DSTN: variants seen among roughly 807,000 people sequenced by gnomAD.
DSTN encodes destrin.
Under a neutral mutation model 16.8 loss-of-function variants are expected in DSTN, and 10 were observed. The observed-to-expected ratio is 0.60, with a 90% confidence interval of 0.37 to 1.01. The LOEUF (loss-of-function observed/expected upper bound fraction) is 1.01. Ranked by LOEUF, DSTN falls within the 50% of genes least tolerant of loss-of-function variation. The pLI, the probability that DSTN is intolerant of heterozygous loss-of-function variation, is 0.01. For synonymous variants in DSTN, 57 were observed against 58.9 expected (o/e 0.97, Z 0.14); for missense variants, 141 against 196.7 (o/e 0.72, Z 1.69).
chr20:17,589,627 A>G (rs1160108349), intron 1 of DSTN, among the ~76,000 whole-genome samples: 9 of 152,260 alleles, frequency 5.9e-5, no homozygotes, highest in Non-Finnish European at 7.3e-5. Flanking sequence ...AGAAGCATCA[A>G]TTATAGCAGC....
intron 1 of DSTN, among the ~76,000 whole-genome samples, chr20:17,574,741 A>AT (rs1568728874): frequency 6.7e-6 from 1 of 149,158 alleles, no homozygotes. Context: ...AAAAAAAAAA[A>AT]AAAAAATTAA....
At chr20:17,580,913 T>C (rs2035336486) in intron 1 of DSTN, among the ~76,000 whole-genome samples, 3 of 152,148 alleles carry the variant, frequency 2.0e-5, no homozygotes, top group Non-Finnish European at 4.4e-5. Flanking sequence ...TAGAAGAGAA[T>C]GAGCTTGACA....
chr20:17,572,620 G>A (rs979299777), intron 1 of DSTN, among the ~76,000 whole-genome samples: 11 of 152,106 alleles, frequency 7.2e-5, no homozygotes, highest in Admixed American at 3.3e-4. Context: ...ACTAATTGGC[G>A]CAGTATTCAA....
Position 17,570,114 on chromosome 20 carries a change from T to G in DSTN, c.-95T>G. 1 of 1,500,300 alleles carries G rather than the reference T, an allele frequency of 6.7e-7. No homozygotes were observed. The highest frequency in any genetic ancestry group is 8.9e-7 in the Non-Finnish European group (1 of 1,128,780). The allele number at this position is 1,500,300 out of a possible 1,614,324, so 92.9% of individuals were successfully genotyped here. On this transcript the variant is annotated 5_prime_UTR_variant, in exon 1 of 4. Coordinates refer to ENST00000246069, the MANE Select transcript of DSTN (RefSeq NM_006870.4). ...TCGCGCCGCCGCGTCAGCTCAGCGC[T>G]GGGTCTCTCGGTCCCGCAGCCGTGA...
intron 1 of DSTN, among the ~76,000 whole-genome samples, chr20:17,574,786 A>G (rs1245885794): frequency 1.4e-5 from 2 of 147,576 alleles, no homozygotes; most frequent in South Asian, 2.1e-4. Context: ...ACAAGTAAAC[A>G]TGACTGACTT....
Position 17,574,875 on chromosome 20 carries a change from T to G in DSTN, c.3+4664T>G, listed in dbSNP as rs546361453. Among the ~76,000 whole-genome samples the G allele has an allele frequency of 2.4e-3, 308 of 127,452 alleles. 1 individual carries two copies. Among genetic ancestry groups the G allele is most frequent in the African/African-American group, 8.4e-3 (275 of 32,670 alleles). 83.6% of individuals were successfully genotyped at this position (127,452 alleles called of 152,430 possible). Reference sequence around the variant, plus strand: ...TTTTTCTTTTCTTTTCTTTTGTTTTTTTTTTTTTTTTTTTTTTGAGACAGA... The same window carrying G: ...TTTTTCTTTTCTTTTCTTTTGTTTTGTTTTTTTTTTTTTTTTTGAGACAGA... On this transcript the variant is annotated intron_variant, in intron 1 of 3. Coordinates refer to ENST00000246069, the MANE Select transcript of DSTN (RefSeq NM_006870.4).
At chr20:17,603,945 T>G (rs2035613156) in intron 2 of DSTN, among the ~76,000 whole-genome samples, 1 of 152,240 alleles carries the variant, frequency 6.6e-6, no homozygotes, top group Non-Finnish European at 1.5e-5. Context: ...TTGGAATAGA[T>G]GAAGGGACTG....
chr20:17,605,385 G>A (rs2035630616), intron 3 of DSTN, among the ~76,000 whole-genome samples: 2 of 152,236 alleles, frequency 1.3e-5, no homozygotes, highest in African/African-American at 4.8e-5. Context: ...TAGTTTAAGA[G>A]TTTGCCCTGC....
intron 1 of DSTN, among the ~76,000 whole-genome samples, chr20:17,572,288 A>C (rs1370482440): frequency 6.6e-6 from 1 of 152,220 alleles, no homozygotes; most frequent in African/African-American, 2.4e-5. Flanking sequence ...CAAAAAACAA[A>C]CAACGTCTGC....
chr20:17,595,580 T>C (rs2035517646), intron 1 of DSTN, among the ~76,000 whole-genome samples: 1 of 151,764 alleles, frequency 6.6e-6, no homozygotes, highest in South Asian at 2.1e-4. Context: ...GATGGTGCCA[T>C]TGCACTCCAG....
chr20:17,604,448 A>G, intron 2 of DSTN, 107 bp from the exon 3 acceptor site: 1 of 1,141,956 alleles, frequency 8.8e-7, no homozygotes, highest in Non-Finnish European at 1.3e-6. Context: ...ATATCTCAGG[A>G]GAGTCTGAGG....
intron 1 of DSTN, among the ~76,000 whole-genome samples, chr20:17,578,944 A>C (rs947542973): frequency 1.0e-4 from 14 of 137,150 alleles, no homozygotes; most frequent in Non-Finnish European, 2.1e-4. Flanking sequence ...CTGGACAACA[A>C]GAGCGAAATT....
chr20:17,589,968 G>A (rs997068183), intron 1 of DSTN, among the ~76,000 whole-genome samples: 2 of 152,130 alleles, frequency 1.3e-5, no homozygotes, highest in Non-Finnish European at 2.9e-5. Context: ...GTGAAGTTTA[G>A]TTGTCATTAA....
chr20:17,581,186 A>G (rs1315930294), intron 1 of DSTN, among the ~76,000 whole-genome samples: 2 of 152,208 alleles, frequency 1.3e-5, no homozygotes, highest in Non-Finnish European at 2.9e-5. Context: ...AGACCAATTA[A>G]GAAACTATTG....
intron 1 of DSTN, among the ~76,000 whole-genome samples, chr20:17,593,748 A>G (rs1263107501): frequency 6.6e-6 from 1 of 152,186 alleles, no homozygotes; most frequent in Non-Finnish European, 1.5e-5. Flanking sequence ...TGTGTGGTCT[A>G]TAAGATAAGG....
intron 1 of DSTN, among the ~76,000 whole-genome samples, chr20:17,573,289 G>T (rs752816251): frequency 6.0e-5 from 9 of 151,134 alleles, no homozygotes; most frequent in Admixed American, 1.3e-4. Context: ...TTGCAGCTCT[G>T]TGAGAAAAAA....
At chr20:17,592,383 T>G (rs1339242425) in intron 1 of DSTN, among the ~76,000 whole-genome samples, 1 of 146,490 alleles carries the variant, frequency 6.8e-6, no homozygotes, top group Non-Finnish European at 1.5e-5. Context: ...TGAGCCATGA[T>G]CACATCACTG....
Position 17,601,031 on chromosome 20 carries a change from G to C in DSTN, c.297G>C (p.Leu99Phe). The part of the protein sequence containing the change: ...FETKESRKEE[L>F]MFFLWAPELA... ...CAAAAGAATCCAGAAAAGAAGAGTT[G>C]ATGTTTTTTTTGTGGTAAGCATGTT... Residue 99 changes from leucine (L) to phenylalanine (F), a missense_variant, in exon 2 of 4, where the codon TTG (leucine) becomes TTC (phenylalanine). Leu to Phe is a conservative substitution (Grantham distance 22). Transcript: ENST00000246069. The C allele has an allele frequency of 6.3e-7, 1 of 1,591,702 alleles. No individual in the cohort carries two copies. Among genetic ancestry groups the C allele is most frequent in the Non-Finnish European group, 8.6e-7 (1 of 1,168,144 alleles).
At position 17,582,536 on chromosome 20, in the gene DSTN, A is replaced by G. The variant is rs541787642; in HGVS notation, c.3+12325A>G. On this transcript the variant is annotated intron_variant, in intron 1 of 3. Coordinates refer to ENST00000246069, the MANE Select transcript of DSTN (RefSeq NM_006870.4). ...TTTTCTCACACACTTGAGTTAATCT[A>G]TAAAGGATAAAACTGTATTTCCCAT... is the stretch of plus-strand genomic sequence containing the variant. 5.9e-5 allele frequency among the ~76,000 whole-genome samples: 9 copies of G among 152,352 alleles called. No homozygotes were observed. In the South Asian group the frequency reaches 1.4e-3, roughly 25 times the overall value.
Sources: gnomAD v4.1 joint callset for allele counts (sites outside exome capture counted in the v4.1 genomes callset) on GRCh38, gnomAD v4.1.1 for gene constraint, MANE v1.5 for transcripts, NCBI Gene and HGNC (gene_info 2026-07-23, HGNC 2026-07-21) for gene names.